PTPN14: variants seen among roughly 807,000 people sequenced by gnomAD.
PTPN14 encodes the protein protein tyrosine phosphatase non-receptor type 14, also known as tyrosine-protein phosphatase non-receptor type 14.
A neutral mutation model predicts 126.8 loss-of-function variants in PTPN14; 53 were observed. That is an observed-to-expected ratio of 0.42 (90% CI 0.34 to 0.53). The LOEUF (loss-of-function observed/expected upper bound fraction) is 0.53. Ranked by LOEUF, PTPN14 falls within the 20% of genes least tolerant of loss-of-function variation. PTPN14 has a pLI of 0.08. For missense variants in PTPN14, 1,257 were observed against 1,552.9 expected (o/e 0.81, Z 3.20); for synonymous variants, 630 against 599.3 (o/e 1.05, Z -0.75).
At position 214,359,892 on chromosome 1, in the gene PTPN14, C is replaced by T. The variant is rs528176833; in HGVS notation, c.3436-1842G>A. On this transcript the variant is annotated intron_variant, in intron 18 of 18. Transcript: ENST00000366956. ...TGTGTGAATTCTTTGAGAATATATA[C>T]GATGATATATACTATCATTAATGAA... 6.6e-5 allele frequency among the ~76,000 whole-genome samples: 10 copies of T among 152,252 alleles called. No homozygotes were observed. In the East Asian group the frequency reaches 1.9e-3, roughly 29 times the overall value.
At chr1:214,415,023 C>T (rs146461282) in intron 3 of PTPN14, among the ~76,000 whole-genome samples, 32 of 152,216 alleles carry the variant, frequency 2.1e-4, no homozygotes, top group African/African-American at 6.7e-4. Flanking sequence ...TAACAGAATC[C>T]GAGAATGAAA....
At chr1:214,420,058 A>G (rs1186310069) in intron 3 of PTPN14, among the ~76,000 whole-genome samples, 1 of 152,230 alleles carries the variant, frequency 6.6e-6, no homozygotes. Context: ...ACATTTAATG[A>G]CTGTTCAAGT....
chr1:214,547,608 G>T (rs562393674), intron 1 of PTPN14, among the ~76,000 whole-genome samples: 4 of 152,176 alleles, frequency 2.6e-5, no homozygotes, highest in African/African-American at 9.7e-5. Context: ...GGAAATCAAG[G>T]CTGCAAAGAT....
chr1:214,395,751 C>T (rs980868624), intron 8 of PTPN14, among the ~76,000 whole-genome samples: 2 of 152,066 alleles, frequency 1.3e-5, no homozygotes, highest in Non-Finnish European at 2.9e-5. Context: ...CAATTTCTAA[C>T]CATCTTTTAC....
intron 1 of PTPN14, among the ~76,000 whole-genome samples, chr1:214,519,159 C>T (rs1655181100): frequency 6.6e-6 from 1 of 152,136 alleles, no homozygotes; most frequent in Admixed American, 6.5e-5. Context: ...ATCCCAGCTA[C>T]TTGGGAGGCT....
At chr1:214,385,793 CA>C (rs1305601187) in intron 12 of PTPN14, among the ~76,000 whole-genome samples, 1 of 151,938 alleles carries the variant, frequency 6.6e-6, no homozygotes, top group Non-Finnish European at 1.5e-5. Context: ...GAGACAGGCA[CA>C]AAAAACAGGG....
chr1:214,391,060 GA>G lies in PTPN14; in HGVS notation c.930-16del. The G allele has an allele frequency of 1.3e-6, 2 of 1,539,648 alleles. No homozygotes were observed. Among genetic ancestry groups the G allele is most frequent in the Admixed American group, 1.8e-5 (1 of 55,978 alleles). ...AATTTGACTGTCTACATGAAGAGGT[GA>G]AAAAATGAGAATGGTTATTATTATT... On this transcript the variant is annotated splice_polypyrimidine_tract_variant and intron_variant, in intron 10 of 18. Coordinates refer to ENST00000366956, the MANE Select transcript of PTPN14 (RefSeq NM_005401.5).
chr1:214,360,391 GA>G (rs1657928758), intron 18 of PTPN14, among the ~76,000 whole-genome samples: 1 of 151,032 alleles, frequency 6.6e-6, no homozygotes, highest in Non-Finnish European at 1.5e-5. Context: ...AATAAGAAAA[GA>G]AAAAAAAGGC....
rs1221886068 is a variant in PTPN14 at position 214,350,049 on chromosome 1, C to G, written c.*7873G>C. ...CCCAATCCAATCTTTTCAGCTTTAT[C>G]CTCTAAAACCTTTTGTCAGATGAGA... On this transcript the variant is annotated 3_prime_UTR_variant, in exon 19 of 19. Transcript: ENST00000366956. 2 of 152,230 alleles carry G rather than the reference C, an allele frequency of 1.3e-5. No homozygotes were observed. Among genetic ancestry groups the G allele is most frequent in the African/African-American group, 4.8e-5 (2 of 41,454 alleles). 9.4% of individuals were successfully genotyped at this position (152,230 alleles called of 1,614,324 possible). A position where few individuals can be genotyped will look rare whatever the true frequency, so the allele number is the denominator to read the frequency against.
chr1:214,383,281 G>T lies in PTPN14; in HGVS notation c.2544+30C>A. On this transcript the variant is annotated intron_variant, in intron 13 of 18. Coordinates refer to ENST00000366956, the MANE Select transcript of PTPN14 (RefSeq NM_005401.5). This position sits in a 1 kb window ranked among gnomAD's most constrained non-coding sequence, Gnocchi z 4.4. ...GCCTGAAGCATGTGCTTTCACACTG[G>T]AAAATGCCCTGGGAGAGGAGGACAC... is the stretch of plus-strand genomic sequence containing the variant. The T allele has an allele frequency of 6.3e-7, 1 of 1,590,576 alleles. No homozygotes were observed. The highest frequency in any genetic ancestry group is 8.6e-7 in the Non-Finnish European group (1 of 1,164,192).
At chr1:214,434,334 T>C (rs537214270) in intron 3 of PTPN14, among the ~76,000 whole-genome samples, 2 of 152,230 alleles carry the variant, frequency 1.3e-5, no homozygotes, top group Admixed American at 6.5e-5. Context: ...GGGCTCTCCA[T>C]GTCTAACGTT....
At chr1:214,407,386 G>T (rs1659195297) in intron 5 of PTPN14, among the ~76,000 whole-genome samples, 1 of 152,012 alleles carries the variant, frequency 6.6e-6, no homozygotes, top group Non-Finnish European at 1.5e-5. Flanking sequence ...AAATTAGCTG[G>T]GCATGGTGGT....
intron 3 of PTPN14, among the ~76,000 whole-genome samples, chr1:214,428,423 T>C (rs1361643545): frequency 1.3e-5 from 2 of 152,252 alleles, no homozygotes; most frequent in Non-Finnish European, 1.5e-5. Context: ...CATTAAAACC[T>C]ACATATTCAA....
At chr1:214,409,332 G>A (rs576437951) in intron 5 of PTPN14, among the ~76,000 whole-genome samples, 1 of 152,272 alleles carries the variant, frequency 6.6e-6, no homozygotes, top group East Asian at 1.9e-4. Context: ...GGCAGTATTT[G>A]TCTTTCTGTG....
intron 1 of PTPN14, among the ~76,000 whole-genome samples, chr1:214,535,280 C>T (rs1461911826): frequency 2.0e-5 from 3 of 152,006 alleles, no homozygotes; most frequent in African/African-American, 4.8e-5. Flanking sequence ...CTGTACATAC[C>T]ATATTCATAA....
chr1:214,413,441 G>A (rs1206877492), intron 4 of PTPN14, among the ~76,000 whole-genome samples: 1 of 152,192 alleles, frequency 6.6e-6, no homozygotes, highest in Non-Finnish European at 1.5e-5. Context: ...AAAGAGGTCA[G>A]GAGAAGGGCT....
chr1:214,468,562 AAAAAG>A lies in PTPN14; in HGVS notation c.-154-3610_-154-3606del, dbSNP rs143257419. Among the ~76,000 whole-genome samples, 15 of 151,118 alleles carry A rather than the reference AAAAAG, an allele frequency of 9.9e-5. No homozygotes were observed. In the South Asian group the frequency reaches 1.1e-3, roughly 11 times the overall value. On this transcript the variant is annotated intron_variant, in intron 1 of 18. Transcript: ENST00000366956. ...CAGAGCAAAAACTCTCAAAAACAAA[AAAAAG>A]AAAAGAAAAGAAAAACCAACACATA...
intron 1 of PTPN14, among the ~76,000 whole-genome samples, chr1:214,494,512 C>A (rs1414402122): frequency 2.0e-5 from 3 of 152,176 alleles, no homozygotes; most frequent in Non-Finnish European, 4.4e-5. Flanking sequence ...TAGGAACAAG[C>A]CCTGGATGTA....
intron 3 of PTPN14, among the ~76,000 whole-genome samples, chr1:214,416,213 C>T (rs1310871021): frequency 2.6e-5 from 4 of 152,118 alleles, no homozygotes; most frequent in African/African-American, 4.8e-5. Flanking sequence ...TCTTTTTGAT[C>T]GCTGTGATCA....
Sources: allele counts gnomAD v4.1 joint callset (sites outside exome capture counted in the v4.1 genomes callset), GRCh38; gene constraint gnomAD v4.1.1; non-coding constraint Gnocchi (gnomAD v3.1); transcripts MANE v1.5; gene names NCBI Gene and HGNC (gene_info 2026-07-23, HGNC 2026-07-21).